Variants in DGKB observed in about 807,000 individuals in gnomAD.
DGKB encodes the protein 90 kDa diacylglycerol kinase.
DGKB carries 67 observed loss-of-function variants against 114.3 expected under a neutral mutation model. That is an observed-to-expected ratio of 0.59 (90% CI 0.48 to 0.72). The LOEUF (loss-of-function observed/expected upper bound fraction) is 0.72. DGKB is among the 30% of genes least tolerant of loss of function. DGKB has a pLI of 0.00. For missense variants in DGKB, 907 were observed against 975.2 expected, an observed-to-expected ratio of 0.93 and a Z score of 0.93; for synonymous variants, 398 against 323.1, an observed-to-expected ratio of 1.23 and a Z score of -2.49.
At chr7:14,744,827 G>A (rs897449741) in intron 4 of DGKB, among the ~76,000 whole-genome samples, 1 of 152,144 alleles carries the variant, frequency 6.6e-6, no homozygotes, top group Non-Finnish European at 1.5e-5. Context: ...AGTCTCATTA[G>A]TTGTTTTGAA....
intron 21 of DGKB, among the ~76,000 whole-genome samples, chr7:14,352,665 C>T (rs1268598426): frequency 6.6e-6 from 1 of 152,298 alleles, no homozygotes; most frequent in East Asian, 1.9e-4. Context: ...GGCTCACAAC[C>T]TGTAATCCCA....
chr7:14,418,569 A>C (rs1054768381), intron 21 of DGKB, among the ~76,000 whole-genome samples: 3 of 151,696 alleles, frequency 2.0e-5, no homozygotes, highest in African/African-American at 7.3e-5. Flanking sequence ...TAGCTATTGA[A>C]ACCCTGATGG....
chr7:14,710,398 G>C (rs1016735772), intron 6 of DGKB, among the ~76,000 whole-genome samples: 2 of 152,044 alleles, frequency 1.3e-5, no homozygotes, highest in Non-Finnish European at 2.9e-5. Flanking sequence ...ATTAATTCAA[G>C]TACTTGATCT....
chr7:14,544,450 G>A (rs995606237), intron 20 of DGKB, among the ~76,000 whole-genome samples: 8 of 152,032 alleles, frequency 5.3e-5, no homozygotes, highest in African/African-American at 1.9e-4. Flanking sequence ...TTCAAATAAT[G>A]AAAAACCTGT....
intron 1 of DGKB, among the ~76,000 whole-genome samples, chr7:14,929,476 A>G (rs1330219704): frequency 6.6e-6 from 1 of 152,078 alleles, no homozygotes; most frequent in East Asian, 1.9e-4. Context: ...ATGGTTAGTG[A>G]TGTTGAGCAT....
intron 23 of DGKB, among the ~76,000 whole-genome samples, chr7:14,244,024 TGAGAGAGAGAGACAGAGA>T (rs1374001283): frequency 6.7e-6 from 1 of 148,312 alleles, no homozygotes; most frequent in African/African-American, 2.4e-5. Flanking sequence ...TGAGAGATTC[TGAGAGAGAGAGACAGAGA>T]GAGAGAGAGA....
intron 18 of DGKB, among the ~76,000 whole-genome samples, chr7:14,581,578 G>T (rs928368170): frequency 2.0e-4 from 31 of 152,254 alleles, no homozygotes; most frequent in African/African-American, 6.3e-4. Flanking sequence ...GAGCAGTAAA[G>T]ATCTCTGCCG....
At chr7:14,926,107 A>AT (rs1458330486) in intron 1 of DGKB, among the ~76,000 whole-genome samples, 1 of 151,950 alleles carries the variant, frequency 6.6e-6, no homozygotes, top group Non-Finnish European at 1.5e-5. Flanking sequence ...TCATGAATAG[A>AT]TTTTTTTCAA....
intron 23 of DGKB, among the ~76,000 whole-genome samples, chr7:14,329,062 GGAGCTA>G (rs1665077879): frequency 6.6e-6 from 1 of 151,828 alleles, no homozygotes; most frequent in African/African-American, 2.4e-5. Flanking sequence ...ACACTTCCAA[GGAGCTA>G]CTATTCACAT....
At chr7:14,356,440 C>T (rs1814537754) in intron 21 of DGKB, among the ~76,000 whole-genome samples, 1 of 145,758 alleles carries the variant, frequency 6.9e-6, no homozygotes, top group Non-Finnish European at 1.5e-5. Context: ...CGGCTCACTG[C>T]AAGCTCCGCC....
chr7:14,815,191 G>A (rs1843947973), intron 2 of DGKB: 1 of 152,072 alleles, frequency 6.6e-6, no homozygotes, highest in Admixed American at 6.6e-5. Flanking sequence ...GTGAGTGATG[G>A]CTGTCACTAT....
intron 1 of DGKB, among the ~76,000 whole-genome samples, chr7:14,847,350 A>G (rs1042884720): frequency 2.0e-5 from 3 of 152,062 alleles, no homozygotes; most frequent in Admixed American, 2.0e-4. Flanking sequence ...CTCAAAGGTC[A>G]TAAACTCCAA....
chr7:14,451,612 C>T (rs188444080), intron 21 of DGKB, among the ~76,000 whole-genome samples: 35 of 151,756 alleles, frequency 2.3e-4, no homozygotes, highest in African/African-American at 6.3e-4. Flanking sequence ...CTCTGGAATA[C>T]GCTAAAATAC....
At chr7:14,795,781 T>C (rs967386946) in intron 2 of DGKB, among the ~76,000 whole-genome samples, 3 of 152,198 alleles carry the variant, frequency 2.0e-5, no homozygotes, top group Non-Finnish European at 4.4e-5. Flanking sequence ...CTAGGCTTAC[T>C]GATTATGGCA....
chr7:14,438,927 T>C (rs1317707868), intron 21 of DGKB, among the ~76,000 whole-genome samples: 1 of 140,224 alleles, frequency 7.1e-6, no homozygotes, highest in African/African-American at 3.0e-5. Flanking sequence ...TTCTAAGACT[T>C]TTTTTTTTTA....
chr7:14,592,622 T>C (rs1801887989), intron 17 of DGKB, among the ~76,000 whole-genome samples: 1 of 151,946 alleles, frequency 6.6e-6, no homozygotes, highest in East Asian at 1.9e-4. Flanking sequence ...CCAAACTGTA[T>C]CTGTACATAC....
chr7:14,935,330 G>A (rs1482185914), intron 1 of DGKB, among the ~76,000 whole-genome samples: 1 of 152,102 alleles, frequency 6.6e-6, no homozygotes, highest in Non-Finnish European at 1.5e-5. Context: ...AATTACAAGA[G>A]TTTCGCCAAG....
At chr7:14,897,799 T>C (rs1782352118) in intron 1 of DGKB, among the ~76,000 whole-genome samples, 2 of 151,992 alleles carry the variant, frequency 1.3e-5, no homozygotes, top group South Asian at 4.2e-4. Context: ...TCATAGTTTT[T>C]ATTTGAAAGC....
chr7:14,566,058 T>C (rs1404485623), intron 20 of DGKB, among the ~76,000 whole-genome samples: 2 of 152,152 alleles, frequency 1.3e-5, no homozygotes, highest in East Asian at 3.8e-4. Context: ...ATGCCTGTTT[T>C]ACTTTCCATT....
Sources: gnomAD v4.1 joint callset for allele counts (sites outside exome capture counted in the v4.1 genomes callset) on GRCh38, gnomAD v4.1.1 for gene constraint, MANE v1.5 for transcripts, NCBI Gene and HGNC (gene_info 2026-07-23, HGNC 2026-07-21) for gene names.